Variants in WASHC4 observed in about 807,000 individuals in gnomAD.
WASHC4 encodes WASH complex subunit 7.
A neutral mutation model predicts 166.6 loss-of-function variants in WASHC4; 86 were observed. The ratio of observed to expected loss-of-function variants is 0.52; its 90% CI spans 0.43 to 0.62. The LOEUF (loss-of-function observed/expected upper bound fraction) is 0.62. WASHC4 is among the 20% of genes least tolerant of loss of function. The pLI is 0.00. For synonymous variants in WASHC4, 446 were observed against 451.6 expected, an observed-to-expected ratio of 0.99 and a Z score of 0.16; for missense variants, 1,262 against 1,382.4, an observed-to-expected ratio of 0.91 and a Z score of 1.38.
At chr12:105,159,454 A>G (rs914224292) in intron 28 of WASHC4, among the ~76,000 whole-genome samples, 1 of 152,238 alleles carries the variant, frequency 6.6e-6, no homozygotes, top group African/African-American at 2.4e-5. Flanking sequence ...GCTGTTAGGA[A>G]GAAGTAGTTG....
Position 105,107,827 on chromosome 12 carries a change from C to G in WASHC4, c.27C>G (p.Asp9Glu). The change falls in exon 1 of 33, where the codon GAC becomes GAG. Residue 9 changes from aspartate to glutamate, a missense_variant. Transcript: ENST00000332180. ...TGGCGGTGGAGACTCTGTCCCCGGA[C>G]TGGGAGTTTGACCGCGTTGACGACG... The part of the protein sequence containing the change: MAVETLSP[D>E]WEFDRVDDGS... 6.4e-7 allele frequency: 1 copy of G among 1,551,064 alleles called. No individual in the cohort carries two copies. The highest frequency in any genetic ancestry group is 8.7e-7 in the Non-Finnish European group (1 of 1,146,620).
chr12:105,117,681 T>G (rs999772016), intron 6 of WASHC4, among the ~76,000 whole-genome samples: 59 of 152,346 alleles, frequency 3.9e-4, no homozygotes, highest in African/African-American at 1.3e-3. Flanking sequence ...TGCTAGAAAC[T>G]GTTATTGGTG....
chr12:105,167,063 A>G lies in WASHC4; in HGVS notation c.*132A>G, dbSNP rs1884853303. ...GGAAAATAGATGTTACAGTTCTTAA[A>G]GGCAGTGCTTTAAAGTGAAGTTCAT... On this transcript the variant is annotated 3_prime_UTR_variant, in exon 33 of 33. Coordinates refer to ENST00000332180, the MANE Select transcript of WASHC4 (RefSeq NM_015275.3). 1 of 701,804 alleles carries G rather than the reference A, an allele frequency of 1.4e-6. No homozygotes were observed. Among genetic ancestry groups the G allele is most frequent in the South Asian group, 1.5e-5 (1 of 66,472 alleles). 43.5% of individuals were successfully genotyped at this position (701,804 alleles called of 1,614,324 possible). A position where few individuals can be genotyped will look rare whatever the true frequency, so the allele number is the denominator to read the frequency against.
At position 105,125,109 on chromosome 12, in the gene WASHC4, C is replaced by G. The variant is rs559639695; in HGVS notation, c.787-895C>G. Among the ~76,000 whole-genome samples, 7 of 152,230 alleles carry G rather than the reference C, an allele frequency of 4.6e-5. No individual in the cohort carries two copies. The South Asian group carries it at 1.2e-3, about 27-fold the overall frequency. On this transcript the variant is annotated intron_variant, in intron 10 of 32. Transcript: ENST00000332180. Reference sequence around the variant, plus strand: ...ATTATATTCCATTTATAATATACTTCAAGGTTACCTTTAGTTTATGTTTTA... The same window carrying G: ...ATTATATTCCATTTATAATATACTTGAAGGTTACCTTTAGTTTATGTTTTA...
intron 1 of WASHC4, among the ~76,000 whole-genome samples, chr12:105,110,219 T>C (rs571284863): frequency 1.3e-5 from 2 of 152,230 alleles, no homozygotes; most frequent in Non-Finnish European, 2.9e-5. Context: ...TAGGTCTTTA[T>C]ACTTTAATAC....
intron 29 of WASHC4, among the ~76,000 whole-genome samples, chr12:105,162,264 TGAAAAGAAATA>T (rs1264455213): frequency 1.3e-5 from 2 of 152,208 alleles, no homozygotes; most frequent in Non-Finnish European, 2.9e-5. Context: ...CTTAAGAACA[TGAAAAGAAATA>T]GTATTTTCGA....
At chr12:105,153,801 T>G (rs1044840725) in intron 26 of WASHC4, among the ~76,000 whole-genome samples, 3 of 152,130 alleles carry the variant, frequency 2.0e-5, no homozygotes, top group African/African-American at 7.2e-5. Context: ...TTGTTACATG[T>G]TTTTATTTTT....
chr12:105,133,880 G>A lies in WASHC4; in HGVS notation c.1310G>A (p.Cys437Tyr), dbSNP rs1882080645. 6.2e-7 allele frequency: 1 copy of A among 1,611,934 alleles called. No homozygotes were observed. The highest frequency in any genetic ancestry group is 1.3e-5 in the African/African-American group (1 of 74,966). The change falls in exon 14 of 33, where the codon TGT becomes TAT. Residue 437 changes from cysteine (C) to tyrosine (Y), a missense_variant. Transcript: ENST00000332180. The stretch of plus-strand genomic sequence containing the variant: ...TTTGCTGAAGATCTCACCAATAGAT[G>A]TAATGTTTTTATACAGGTAGTTGCA... ...DKFAEDLTNR[C>Y]NVFIQGFLYA...
chr12:105,108,977 T>C (rs1879372756), intron 1 of WASHC4, among the ~76,000 whole-genome samples: 1 of 152,090 alleles, frequency 6.6e-6, no homozygotes, highest in South Asian at 2.1e-4. Flanking sequence ...CCGTCTCTAC[T>C]AAAAAATAAA....
intron 12 of WASHC4, 49 bp downstream of exon 12, chr12:105,126,411 C>G: frequency 7.4e-7 from 1 of 1,357,244 alleles, no homozygotes; most frequent in Non-Finnish European, 1.0e-6. Context: ...AAAAAGATTG[C>G]AGATAAAACT....
chr12:105,114,080 T>C (rs1879944544), intron 2 of WASHC4, 136 bp from the exon 3 acceptor site: 1 of 701,820 alleles, frequency 1.4e-6, no homozygotes, highest in East Asian at 2.8e-5. Flanking sequence ...TTGGATGAAG[T>C]AGTTGATATG....
intron 2 of WASHC4, among the ~76,000 whole-genome samples, chr12:105,113,005 T>A (rs948644513): frequency 1.3e-5 from 2 of 152,128 alleles, no homozygotes; most frequent in Non-Finnish European, 2.9e-5. Flanking sequence ...GAAATTACTT[T>A]CCTTTGACTT....
In WASHC4 at chr12:105,115,186, T is replaced by C; in HGVS notation, c.324T>C (p.Ala108=). 2 of 1,526,378 alleles carry C rather than the reference T, an allele frequency of 1.3e-6. No individual in the cohort carries two copies. Among genetic ancestry groups the C allele is most frequent in the Non-Finnish European group, 1.8e-6 (2 of 1,101,664 alleles). 94.6% of individuals were successfully genotyped at this position (1,526,378 alleles called of 1,614,324 possible). The change falls in exon 5 of 33, where the codon GCT becomes GCC. Residue 108 remains alanine (A), a splice_region_variant and synonymous_variant. Coordinates refer to ENST00000332180, the MANE Select transcript of WASHC4 (RefSeq NM_015275.3). ...CCEIKKLKYE[A]ETKFYNGLLF... ...TTTAATTTTTTTCTTAAAAACAGGC[T>C]GAAACTAAATTTTACAATGGTCTCT...
rs1461597642 is a variant in WASHC4, at chr12:105,133,810, A to G, written c.1240A>G (p.Met414Val). Residue 414 changes from methionine (M) to valine (V), a missense_variant, in exon 14 of 33, where the codon ATG becomes GTG. Met to Val is a conservative substitution (Grantham distance 21). Coordinates refer to ENST00000332180, the MANE Select transcript of WASHC4 (RefSeq NM_015275.3). ...CTACGTCTTTGTGAGCTCATGGATGATGAAAATGGAATCTATTTTGTCTAA... is the reference window on the plus strand; with the variant it reads ...CTACGTCTTTGTGAGCTCATGGATGGTGAAAATGGAATCTATTTTGTCTAA... ...SYYVFVSSWM[M>V]KMESILSKEQ... 1 of 1,612,210 alleles carries G rather than the reference A, an allele frequency of 6.2e-7. No homozygotes were observed. Among genetic ancestry groups the G allele is most frequent in the Non-Finnish European group, 8.5e-7 (1 of 1,178,572 alleles).
intron 2 of WASHC4, 69 bp from the exon 3 acceptor site, chr12:105,114,147 A>G (rs377188046): frequency 3.6e-6 from 5 of 1,407,272 alleles, no homozygotes; most frequent in East Asian, 4.6e-5. Flanking sequence ...AGCTAGCCTC[A>G]ATTTGTGTTT....
intron 7 of WASHC4, among the ~76,000 whole-genome samples, chr12:105,119,687 A>G (rs1196798): frequency 0.88 from 133,208 of 152,174 alleles, 58,556 homozygotes; most frequent in South Asian, 0.94. Flanking sequence ...CCCTCATCCT[A>G]CCCCTGCCCT....
intron 9 of WASHC4, 50 bp from the exon 10 acceptor site, chr12:105,122,068 T>A (rs1350831768): frequency 7.3e-7 from 1 of 1,374,582 alleles, no homozygotes; most frequent in Admixed American, 2.0e-5. Flanking sequence ...AATTTTTAAT[T>A]TAAGAATTTA....
intron 1 of WASHC4, among the ~76,000 whole-genome samples, chr12:105,109,870 A>C (rs997884341): frequency 6.6e-6 from 1 of 152,012 alleles, no homozygotes; most frequent in African/African-American, 2.4e-5. Flanking sequence ...TTGGCCTCCT[A>C]AAGTGTTGGG....
intron 25 of WASHC4, among the ~76,000 whole-genome samples, chr12:105,151,656 A>G (rs1285535992): frequency 1.3e-5 from 2 of 151,932 alleles, no homozygotes; most frequent in South Asian, 2.1e-4. Context: ...TAATTTTAGT[A>G]TTTTTAGTAG....
Sources: gnomAD v4.1 joint callset for allele counts (sites outside exome capture counted in the v4.1 genomes callset) on GRCh38, gnomAD v4.1.1 for gene constraint, MANE v1.5 for transcripts, NCBI Gene and HGNC (gene_info 2026-07-23, HGNC 2026-07-21) for gene names.